FGF12: variants seen among roughly 807,000 people sequenced by gnomAD.
FGF12 encodes fibroblast growth factor 12B.
Under a neutral mutation model 23.6 loss-of-function variants are expected in FGF12, and 14 were observed. The ratio of observed to expected loss-of-function variants is 0.59; its 90% CI spans 0.39 to 0.93. The LOEUF is 0.93. FGF12 is among the 40% of genes least tolerant of loss of function. FGF12 has a pLI of 0.00. For synonymous variants in FGF12, 62 were observed against 77.3 expected (o/e 0.80, Z 1.04); for missense variants, 175 against 217.8 (o/e 0.80, Z 1.24).
At chr3:192,338,729 G>T (rs192209890) in intron 3 of FGF12, among the ~76,000 whole-genome samples, 1 of 152,188 alleles carries the variant, frequency 6.6e-6, no homozygotes, top group East Asian at 1.9e-4. Context: ...TGGCTTTTAC[G>T]TGAGAAAATA....
chr3:192,701,126 C>T (rs1372277412), intron 2 of FGF12, among the ~76,000 whole-genome samples: 1 of 152,116 alleles, frequency 6.6e-6, no homozygotes, highest in Non-Finnish European at 1.5e-5. Flanking sequence ...CCTTGGTTTC[C>T]ACAACCCTTT....
chr3:192,186,094 A>C (rs931914427), intron 4 of FGF12, among the ~76,000 whole-genome samples: 1 of 152,188 alleles, frequency 6.6e-6, no homozygotes, highest in Non-Finnish European at 1.5e-5. Context: ...TTTTATGTTG[A>C]GTGTAAGAGA....
chr3:192,436,881 C>G (rs544704918), intron 2 of FGF12, among the ~76,000 whole-genome samples: 1 of 152,040 alleles, frequency 6.6e-6, no homozygotes. Flanking sequence ...CTGGAGAACA[C>G]AAAGGTGGGA....
intron 4 of FGF12, among the ~76,000 whole-genome samples, chr3:192,276,038 G>A (rs972105924): frequency 6.6e-6 from 1 of 152,094 alleles, no homozygotes; most frequent in African/African-American, 2.4e-5. Flanking sequence ...ATGGAATAAC[G>A]TTACTTACTT....
At position 192,368,689 on chromosome 3, in the gene FGF12, C is replaced by T. The variant is rs116749054; in HGVS notation, c.14-8151G>A. Among the ~76,000 whole-genome samples the T allele has an allele frequency of 6.9e-3, 1,043 of 152,100 alleles. 9 individuals carry two copies. Among genetic ancestry groups the T allele is most frequent in the African/African-American group, 0.024 (999 of 41,496 alleles). On this transcript the variant is annotated intron_variant, in intron 2 of 5. Coordinates refer to ENST00000445105, the MANE Select transcript of FGF12 (RefSeq NM_004113.6). Reference sequence around the variant, plus strand: ...AAGTTTTTTTTTTCATTTTCTTGCTCATTTAATCTGAACAGTATTAGAGCA... The same window carrying T: ...AAGTTTTTTTTTTCATTTTCTTGCTTATTTAATCTGAACAGTATTAGAGCA...
chr3:192,307,938 C>T (rs1241536892), intron 4 of FGF12, among the ~76,000 whole-genome samples: 1 of 152,088 alleles, frequency 6.6e-6, no homozygotes, highest in African/African-American at 2.4e-5. Context: ...ATAGTAGGGA[C>T]TTCATTTTGT....
chr3:192,444,308 G>A (rs1257648951), intron 2 of FGF12, among the ~76,000 whole-genome samples: 1 of 152,064 alleles, frequency 6.6e-6, no homozygotes, highest in Non-Finnish European at 1.5e-5. Flanking sequence ...TTCATCATCC[G>A]CCACAATTTC....
At chr3:192,155,528 G>A (rs1252178435) in intron 5 of FGF12, among the ~76,000 whole-genome samples, 2 of 151,944 alleles carry the variant, frequency 1.3e-5, no homozygotes, top group South Asian at 4.2e-4. Flanking sequence ...CTTTTGTTTT[G>A]GGGGGGAGCT....
At chr3:192,614,851 G>C (rs1714689090) in intron 2 of FGF12, among the ~76,000 whole-genome samples, 1 of 151,920 alleles carries the variant, frequency 6.6e-6, no homozygotes, top group South Asian at 2.1e-4. Context: ...CTAGACAGAG[G>C]AGCACTTCCA....
intron 4 of FGF12, among the ~76,000 whole-genome samples, chr3:192,317,222 C>G (rs1235592076): frequency 1.1e-4 from 16 of 151,926 alleles, no homozygotes; most frequent in Admixed American, 1.0e-3. Flanking sequence ...AGGGGGGCTT[C>G]TCTTGCAGCT....
At chr3:192,586,624 C>T (rs1365395255) in intron 2 of FGF12, among the ~76,000 whole-genome samples, 1 of 152,146 alleles carries the variant, frequency 6.6e-6, no homozygotes, top group Non-Finnish European at 1.5e-5. Context: ...TGCAATATAA[C>T]TTTGCCTGAA....
chr3:192,387,333 G>C (rs1305889815), intron 2 of FGF12, among the ~76,000 whole-genome samples: 1 of 151,978 alleles, frequency 6.6e-6, no homozygotes, highest in African/African-American at 2.4e-5. Context: ...AAAATTTTAA[G>C]GTTTAGATAA....
intron 3 of FGF12, among the ~76,000 whole-genome samples, chr3:192,342,491 CA>C (rs1717740647): frequency 6.6e-6 from 1 of 152,072 alleles, no homozygotes; most frequent in Admixed American, 6.6e-5. Flanking sequence ...ATCTTGTCAG[CA>C]AGGCGTGGTG....
rs5855425 is a variant in FGF12 at position 192,424,086 on chromosome 3, CA to C, written c.14-63549del. 3.3e-3 allele frequency among the ~76,000 whole-genome samples: 494 copies of C among 147,508 alleles called. 3 individuals carry two copies. Among genetic ancestry groups the C allele is most frequent in the African/African-American group, 0.011 (458 of 40,060 alleles). On this transcript the variant is annotated intron_variant, in intron 2 of 5. Transcript: ENST00000445105. ...CAGATCAAATGAATTATAAAGTCTT[CA>C]AAAAAAAAAAGACTATTAATGCTTT...
At chr3:192,709,240 C>T (rs1408799108) in intron 2 of FGF12, among the ~76,000 whole-genome samples, 2 of 152,070 alleles carry the variant, frequency 1.3e-5, no homozygotes, top group Non-Finnish European at 2.9e-5. Context: ...TAAGAAGAGC[C>T]CTGTTCTTCT....
chr3:192,415,732 T>TCTCATACACACACA lies in FGF12; in HGVS notation c.14-55195_14-55194insTGTGTGTGTATGAG, dbSNP rs369293180. Among the ~76,000 whole-genome samples, 45 of 118,054 alleles carry TCTCATACACACACA rather than the reference T, an allele frequency of 3.8e-4. 1 individual carries two copies. Among genetic ancestry groups the TCTCATACACACACA allele is most frequent in the East Asian group, 9.7e-4 (4 of 4,132 alleles). 77.4% of individuals were successfully genotyped at this position (118,054 alleles called of 152,430 possible). A position where few individuals can be genotyped will look rare whatever the true frequency, so the allele number is the denominator to read the frequency against. ...CTGATACTTCTCTTCTCTCTCTCTC[T>TCTCATACACACACA]CACACACACACACACACACACACAC... On this transcript the variant is annotated intron_variant, in intron 2 of 5. Transcript: ENST00000445105.
intron 4 of FGF12, among the ~76,000 whole-genome samples, chr3:192,226,838 T>C (rs1048939483): frequency 2.6e-5 from 4 of 152,144 alleles, no homozygotes; most frequent in African/African-American, 9.7e-5. Context: ...GTCACTTAGC[T>C]AGATTTACTC....
chr3:192,693,376 C>T (rs1577125094), intron 2 of FGF12, among the ~76,000 whole-genome samples: 1 of 151,990 alleles, frequency 6.6e-6, no homozygotes, highest in East Asian at 1.9e-4. Flanking sequence ...AACACAATCC[C>T]TCTTATAATT....
intron 4 of FGF12, among the ~76,000 whole-genome samples, chr3:192,205,548 G>A (rs929007306): frequency 6.6e-6 from 1 of 152,294 alleles, no homozygotes; most frequent in Non-Finnish European, 1.5e-5. Flanking sequence ...TAAAACTTAA[G>A]TGCCCAGCAA....
Sources: allele counts gnomAD v4.1 joint callset (sites outside exome capture counted in the v4.1 genomes callset), GRCh38; gene constraint gnomAD v4.1.1; transcripts MANE v1.5; gene names NCBI Gene and HGNC (gene_info 2026-07-23, HGNC 2026-07-21).